Variants in STPG2 observed in about 807,000 individuals in gnomAD.
STPG2 encodes the protein sperm-tail PG-rich repeat-containing protein 2.
STPG2 carries 56 observed loss-of-function variants against 54.2 expected under a neutral mutation model. The ratio of observed to expected loss-of-function variants is 1.03; its 90% CI spans 0.83 to 1.29. The LOEUF (loss-of-function observed/expected upper bound fraction) is 1.29, where lower values mean the gene tolerates loss of function less well. STPG2 is among the 50% of genes most tolerant of loss of function. The pLI is 0.00. For missense variants in STPG2, 596 were observed against 544.9 expected (o/e 1.09, Z -0.93); for synonymous variants, 200 against 181.8 (o/e 1.10, Z -0.81).
chr4:97,881,419 C>T (rs1730369859), intron 8 of STPG2, among the ~76,000 whole-genome samples: 1 of 152,122 alleles, frequency 6.6e-6, no homozygotes. Flanking sequence ...CTTAAATACT[C>T]ATTAATATGA....
intron 8 of STPG2, among the ~76,000 whole-genome samples, chr4:97,927,522 C>A (rs1732378730): frequency 6.6e-6 from 1 of 151,938 alleles, no homozygotes; most frequent in African/African-American, 2.4e-5. Flanking sequence ...TCAGTTTATG[C>A]TAAACAATAG....
intron 9 of STPG2, among the ~76,000 whole-genome samples, chr4:97,780,459 T>C (rs924111530): frequency 2.5e-5 from 1 of 40,760 alleles, no homozygotes; most frequent in African/African-American, 1.1e-4. Context: ...CAAAGAGACT[T>C]AGACTCCCAC....
intron 10 of STPG2, among the ~76,000 whole-genome samples, chr4:97,624,810 A>T (rs1734098414): frequency 6.6e-6 from 1 of 152,158 alleles, no homozygotes; most frequent in Admixed American, 6.5e-5. Context: ...AAGTGTAAGG[A>T]AAAGGTCCAG....
At chr4:97,450,996 C>T (rs1267537779) in intron 4 of STPG2, among the ~76,000 whole-genome samples, 1 of 151,932 alleles carries the variant, frequency 6.6e-6, no homozygotes, top group African/African-American at 2.4e-5. Context: ...GTTAGAATTA[C>T]CTTCTGGAGG....
chr4:98,060,264 T>C (rs1333022742), intron 5 of STPG2, among the ~76,000 whole-genome samples: 1 of 152,144 alleles, frequency 6.6e-6, no homozygotes, highest in Non-Finnish European at 1.5e-5. Context: ...AGCATTCCTA[T>C]ACACAACAAC....
At chr4:97,844,157 CAT>C (rs1378961142) in intron 8 of STPG2, among the ~76,000 whole-genome samples, 1 of 151,882 alleles carries the variant, frequency 6.6e-6, no homozygotes, top group African/African-American at 2.4e-5. Flanking sequence ...GCTATTTTGA[CAT>C]ATGAAATTTC....
chr4:98,143,122 T>A lies in STPG2; in HGVS notation c.29A>T (p.Lys10Ile), dbSNP rs747525997. 73 of 1,613,758 alleles carry A rather than the reference T, an allele frequency of 4.5e-5. No homozygotes were observed. Among genetic ancestry groups the A allele is most frequent in the Non-Finnish European group, 1.5e-5 (18 of 1,179,910 alleles). MYDRAPRLL[K>I]LAEGGSTEAH... is the part of the protein sequence containing the mutation. ...CTCAGTGCTGCCACCTTCAGCCAATTTGAGCAGGCGGGGAGCCCGATCATA... is the reference window on the plus strand; with the variant it reads ...CTCAGTGCTGCCACCTTCAGCCAATATGAGCAGGCGGGGAGCCCGATCATA... The change falls in exon 1 of 11, where the codon AAA (lysine) becomes ATA (isoleucine). Residue 10 changes from lysine (K) to isoleucine (I), a missense_variant. Lys to Ile is a moderately radical substitution (Grantham distance 102). Coordinates refer to ENST00000295268, the MANE Select transcript of STPG2 (RefSeq NM_174952.3).
intron 10 of STPG2, among the ~76,000 whole-genome samples, chr4:97,697,154 CTTA>C (rs1345496162): frequency 6.6e-6 from 1 of 152,166 alleles, no homozygotes; most frequent in Non-Finnish European, 1.5e-5. Context: ...ACAGCAAGAC[CTTA>C]TTATCTGGAA....
intron 9 of STPG2, among the ~76,000 whole-genome samples, chr4:97,725,003 G>A (rs747296633): frequency 3.3e-5 from 5 of 151,978 alleles, no homozygotes; most frequent in South Asian, 4.1e-4. Context: ...CTCAAATCCT[G>A]TTGATTTATC....
At chr4:97,885,020 T>TA (rs1730512318) in intron 8 of STPG2, among the ~76,000 whole-genome samples, 1 of 152,008 alleles carries the variant, frequency 6.6e-6, no homozygotes, top group Admixed American at 6.6e-5. Context: ...GACATAATTA[T>TA]AAAAACAATT....
chr4:98,022,875 C>T (rs1010970031), intron 5 of STPG2, among the ~76,000 whole-genome samples: 3 of 152,188 alleles, frequency 2.0e-5, no homozygotes, highest in South Asian at 2.1e-4. Context: ...CCATCAGCTC[C>T]TTTAAGCACT....
intron 5 of STPG2, among the ~76,000 whole-genome samples, chr4:98,022,118 G>A (rs1037100605): frequency 6.6e-6 from 1 of 152,044 alleles, no homozygotes; most frequent in Non-Finnish European, 1.5e-5. Context: ...AGCCTTGATG[G>A]TCTTTACAAT....
chr4:97,682,052 C>T (rs1037028857), intron 10 of STPG2, among the ~76,000 whole-genome samples: 2 of 151,720 alleles, frequency 1.3e-5, no homozygotes, highest in Non-Finnish European at 3.0e-5. Context: ...GTAATATAGA[C>T]ATGTGTCTGC....
intron 9 of STPG2, among the ~76,000 whole-genome samples, chr4:97,795,245 G>C (rs1041357718): frequency 2.0e-5 from 3 of 151,828 alleles, no homozygotes; most frequent in African/African-American, 7.3e-5. Flanking sequence ...TGTGCACCAC[G>C]TGCAGGTTTG....
chr4:97,650,069 C>T (rs950846657), intron 10 of STPG2, among the ~76,000 whole-genome samples: 5 of 152,060 alleles, frequency 3.3e-5, no homozygotes, highest in African/African-American at 4.8e-5. Context: ...CTCACATGCA[C>T]AGTTCACAAT....
intron 5 of STPG2, among the ~76,000 whole-genome samples, chr4:98,057,096 G>A (rs572401909): frequency 1.4e-4 from 21 of 152,298 alleles, no homozygotes; most frequent in African/African-American, 4.6e-4. Flanking sequence ...CCACAAAGAT[G>A]AGAAAGAATC....
chr4:98,047,092 CAGA>C (rs1301309542), intron 5 of STPG2, among the ~76,000 whole-genome samples: 1 of 151,052 alleles, frequency 6.6e-6, no homozygotes, highest in African/African-American at 2.4e-5. Context: ...CTGCACTAGC[CAGA>C]AGGAGTAGCC....
intron 4 of STPG2, among the ~76,000 whole-genome samples, chr4:97,491,117 C>T (rs902867820): frequency 1.3e-5 from 2 of 151,310 alleles, no homozygotes; most frequent in Non-Finnish European, 3.0e-5. Context: ...CTAAGTCCAC[C>T]ATTTCAAATT....
intron 8 of STPG2, among the ~76,000 whole-genome samples, chr4:97,907,058 G>A (rs1731457547): frequency 6.6e-6 from 1 of 151,764 alleles, no homozygotes; most frequent in Admixed American, 6.6e-5. Context: ...ATTCAATTAG[G>A]AAAAGAGGAA....
Sources: allele counts gnomAD v4.1 joint callset (sites outside exome capture counted in the v4.1 genomes callset), GRCh38; gene constraint gnomAD v4.1.1; transcripts MANE v1.5; gene names NCBI Gene and HGNC (gene_info 2026-07-23, HGNC 2026-07-21).